The following ST3GAL2 variants were observed in gnomAD, a reference collection of about 807,000 sequenced individuals.
ST3GAL2 encodes the protein CMP-N-acetylneuraminate-beta-galactosamide-alpha-2,3-sialyltransferase 2.
A neutral mutation model predicts 37.5 loss-of-function variants in ST3GAL2; 16 were observed. The observed-to-expected ratio is 0.43, with a 90% CI of 0.29 to 0.65. ST3GAL2 has a LOEUF of 0.65. Ranked by LOEUF, ST3GAL2 falls within the 30% of genes least tolerant of loss-of-function variation. The probability of loss-of-function intolerance (pLI) is 0.17; values close to 1 mark genes in which losing one functional copy is unlikely to be tolerated. For synonymous variants in ST3GAL2, 238 were observed against 202.9 expected (o/e 1.17, Z -1.47); for missense variants, 383 against 487.8 (o/e 0.79, Z 2.02).
In ST3GAL2 at chr16:70,437,878, G is replaced by A. The variant is rs994883007; in HGVS notation, c.-1004+1071C>T. Among the ~76,000 whole-genome samples the A allele has an allele frequency of 9.2e-5, 14 of 152,264 alleles. No individual in the cohort carries two copies. In the East Asian group the frequency reaches 1.2e-3, roughly 13 times the overall value. ...GCTTCCAAACATCCGTCCCAAAGAC[G>A]AGGCGGGAGTGTGTTACTGGCCAGA... On this transcript the variant is annotated intron_variant, in intron 1 of 6. Coordinates refer to ENST00000342907, the MANE Select transcript of ST3GAL2 (RefSeq NM_006927.4).
intron 4 of ST3GAL2, among the ~76,000 whole-genome samples, chr16:70,384,902 G>T (rs184256490): frequency 6.6e-6 from 1 of 152,158 alleles, no homozygotes; most frequent in East Asian, 1.9e-4. Flanking sequence ...CCAGCTACTC[G>T]GGAGGCTGAG....
chr16:70,434,205 G>A (rs1358416242), intron 1 of ST3GAL2, among the ~76,000 whole-genome samples: 2 of 152,162 alleles, frequency 1.3e-5, no homozygotes, highest in Non-Finnish European at 2.9e-5. Flanking sequence ...TTGGGAGGCC[G>A]AGGCAGGCGG....
intron 1 of ST3GAL2, among the ~76,000 whole-genome samples, chr16:70,404,477 A>C (rs958732622): frequency 2.0e-5 from 3 of 152,128 alleles, no homozygotes; most frequent in African/African-American, 7.2e-5. Flanking sequence ...GGGAAATGCA[A>C]ATCAAAACCA....
intron 3 of ST3GAL2, among the ~76,000 whole-genome samples, chr16:70,391,203 C>A (rs1225940179): frequency 6.6e-6 from 1 of 152,154 alleles, no homozygotes; most frequent in Non-Finnish European, 1.5e-5. Context: ...GTGCCCCCTA[C>A]CTCTCATTTT....
rs1402227972 is a variant in ST3GAL2, at chr16:70,388,556, C to T, written c.534-10G>A. ...TGGCGCCTGATTCATCCTGCAGGGA[C>T]AAGAGGGTGACATGAGAATCAACTG... On this transcript the variant is annotated splice_polypyrimidine_tract_variant and intron_variant, in intron 3 of 6. Transcript: ENST00000342907. 1.3e-6 allele frequency: 2 copies of T among 1,560,828 alleles called. No homozygotes were observed. Among genetic ancestry groups the T allele is most frequent in the Non-Finnish European group, 1.7e-6 (2 of 1,151,748 alleles).
At chr16:70,397,996 T>C (rs1401614104) in intron 2 of ST3GAL2, among the ~76,000 whole-genome samples, 196 bp downstream of exon 2, 1 of 152,178 alleles carries the variant, frequency 6.6e-6, no homozygotes, top group Non-Finnish European at 1.5e-5. Context: ...TATGCTCGGG[T>C]CCTACAGGCA....
At chr16:70,405,722 T>C (rs2047586818) in intron 1 of ST3GAL2, among the ~76,000 whole-genome samples, 2 of 151,988 alleles carry the variant, frequency 1.3e-5, no homozygotes, top group South Asian at 4.2e-4. Flanking sequence ...GGTTGGAGTT[T>C]TCTTCTGGGG....
intron 1 of ST3GAL2, among the ~76,000 whole-genome samples, chr16:70,408,382 C>T (rs1448298599): frequency 6.6e-6 from 1 of 152,022 alleles, no homozygotes; most frequent in Non-Finnish European, 1.5e-5. Context: ...AGCACCCAAA[C>T]CAGGCAGAAG....
At chr16:70,420,662 C>CT (rs1314234643) in intron 1 of ST3GAL2, among the ~76,000 whole-genome samples, 1 of 152,234 alleles carries the variant, frequency 6.6e-6, no homozygotes, top group Non-Finnish European at 1.5e-5. Context: ...GTAACTTGTT[C>CT]TTTGTGAGCC....
intron 1 of ST3GAL2, chr16:70,423,026 C>G (rs1350355839): frequency 6.6e-6 from 1 of 152,310 alleles, no homozygotes; most frequent in Non-Finnish European, 1.5e-5. Context: ...AATCCCTCAA[C>G]AGAATTGAGA....
At chr16:70,406,099 G>C (rs1428921341) in intron 1 of ST3GAL2, among the ~76,000 whole-genome samples, 1 of 151,130 alleles carries the variant, frequency 6.6e-6, no homozygotes, top group Non-Finnish European at 1.5e-5. Context: ...GTTTCAAAGA[G>C]ATGAACTGCA....
intron 3 of ST3GAL2, among the ~76,000 whole-genome samples, chr16:70,388,791 G>T (rs191319295): frequency 6.6e-5 from 10 of 151,998 alleles, no homozygotes; most frequent in Non-Finnish European, 1.3e-4. Flanking sequence ...GCCAGGTGTG[G>T]TGGCTCACAC....
At chr16:70,391,889 G>A (rs916434224) in intron 3 of ST3GAL2, among the ~76,000 whole-genome samples, 11 of 152,186 alleles carry the variant, frequency 7.2e-5, no homozygotes, top group Admixed American at 7.2e-4. Flanking sequence ...GATTACAGGC[G>A]TGAGCCACTG....
intron 1 of ST3GAL2, among the ~76,000 whole-genome samples, chr16:70,421,103 G>A (rs1179333701): frequency 6.6e-6 from 1 of 152,256 alleles, no homozygotes; most frequent in Non-Finnish European, 1.5e-5. Context: ...CTAAGGTTCA[G>A]CCCTGGGAGG....
chr16:70,379,547 TAA>T lies in ST3GAL2; in HGVS notation c.*2140_*2141del, dbSNP rs540302393. 2 of 152,120 alleles carry T rather than the reference TAA, an allele frequency of 1.3e-5. No homozygotes were observed. The highest frequency in any genetic ancestry group is 2.4e-5 in the African/African-American group (1 of 41,424). The allele number at this position is 152,120 out of a possible 1,614,324, so 9.4% of individuals were successfully genotyped here. On this transcript the variant is annotated 3_prime_UTR_variant, in exon 7 of 7. Coordinates refer to ENST00000342907, the MANE Select transcript of ST3GAL2 (RefSeq NM_006927.4). ...CTTTTAATTCAGAAAGGGAAGGAAA[TAA>T]AAAAGTGTGTTTAAATTACTATTGC...
At position 70,382,785 on chromosome 16, in the gene ST3GAL2, C is replaced by T. The variant is rs1280414199; in HGVS notation, c.879+20G>A. The T allele has an allele frequency of 1.2e-6, 2 of 1,613,742 alleles. No individual in the cohort carries two copies. The highest frequency in any genetic ancestry group is 1.7e-5 in the Admixed American group (1 of 59,996). Reference sequence around the variant, plus strand: ...CTCTGTTCCATGGGTTCCCACCACCCACACCACGGGCCTACCCACCTCATC... The same window carrying T: ...CTCTGTTCCATGGGTTCCCACCACCTACACCACGGGCCTACCCACCTCATC... On this transcript the variant is annotated intron_variant, in intron 6 of 6. Transcript: ENST00000342907.
intron 1 of ST3GAL2, among the ~76,000 whole-genome samples, chr16:70,438,064 C>T (rs1293011090): frequency 2.0e-5 from 3 of 152,152 alleles, no homozygotes; most frequent in African/African-American, 4.8e-5. Context: ...AGATGGGAGA[C>T]GGGAGATGGA....
At chr16:70,430,843 C>T (rs2047784893) in intron 1 of ST3GAL2, among the ~76,000 whole-genome samples, 2 of 152,110 alleles carry the variant, frequency 1.3e-5, no homozygotes, top group African/African-American at 4.8e-5. Flanking sequence ...GCCTCATTCC[C>T]TTTGGTTGCT....
chr16:70,389,711 G>C (rs2047469552), intron 3 of ST3GAL2, among the ~76,000 whole-genome samples: 2 of 151,738 alleles, frequency 1.3e-5, no homozygotes, highest in Admixed American at 1.3e-4. Context: ...TGATGCGCCG[G>C]CCTCGGCCTC....
Sources: gnomAD v4.1 joint callset for allele counts (sites outside exome capture counted in the v4.1 genomes callset) on GRCh38, gnomAD v4.1.1 for gene constraint, MANE v1.5 for transcripts, NCBI Gene and HGNC (gene_info 2026-07-23, HGNC 2026-07-21) for gene names.